ATP8B1: variants seen among roughly 807,000 people sequenced by gnomAD.
ATP8B1 encodes ATPase phospholipid transporting 8B1, also known as phospholipid-transporting ATPase IC.
Under a neutral mutation model 149.9 loss-of-function variants are expected in ATP8B1, and 80 were observed. The observed-to-expected ratio is 0.53, with a 90% CI of 0.45 to 0.64. The LOEUF is 0.64. Among genes scored for constraint, ATP8B1 ranks in the 30% least tolerant of loss-of-function variants. ATP8B1 has a pLI of 0.00. For synonymous variants in ATP8B1, 536 were observed against 562.8 expected (o/e 0.95, Z 0.67); for missense variants, 1,247 against 1,552.6 (o/e 0.80, Z 3.31).
At chr18:57,801,445 T>C (rs903551033) in intron 1 of ATP8B1, among the ~76,000 whole-genome samples, 1 of 152,214 alleles carries the variant, frequency 6.6e-6, no homozygotes, top group African/African-American at 2.4e-5. Flanking sequence ...TTGTGCACAG[T>C]CTGCGCATTT....
Position 57,653,950 on chromosome 18 carries a change from C to T in ATP8B1, c.3015+42G>A, listed in dbSNP as rs1209478630. The T allele has an allele frequency of 3.9e-6, 6 of 1,542,120 alleles. No homozygotes were observed. In the African/African-American group the frequency reaches 6.8e-5, roughly 18 times the overall value. ...TTGCTTGGGACTTCTCTAACGCATT[C>T]TCATCTGTCCAGAAGTGTCCCTGCT... is the stretch of plus-strand genomic sequence containing the variant. On this transcript the variant is annotated intron_variant, in intron 24 of 27. Transcript: ENST00000648908.
chr18:57,758,105 C>A (rs4941045), intron 1 of ATP8B1, among the ~76,000 whole-genome samples: 20,635 of 152,058 alleles, frequency 0.14, 1,787 homozygotes, highest in South Asian at 0.3. Flanking sequence ...ACGATCCTCC[C>A]ACCTCAGTCT....
intron 22 of ATP8B1, among the ~76,000 whole-genome samples, chr18:57,656,000 T>C (rs1028787242): frequency 6.6e-6 from 1 of 152,206 alleles, no homozygotes; most frequent in Non-Finnish European, 1.5e-5. Flanking sequence ...CTTCCTCTTT[T>C]GGGATTTCTG....
chr18:57,792,871 TA>T (rs1456375259), intron 1 of ATP8B1, among the ~76,000 whole-genome samples: 2 of 152,128 alleles, frequency 1.3e-5, no homozygotes, highest in African/African-American at 4.8e-5. Context: ...GGAGGGGGAC[TA>T]GGGGCTTGTG....
rs1431818106 is a variant in ATP8B1 at position 57,661,351 on chromosome 18, C to A, written c.2530G>T (p.Ala844Ser). Residue 844 changes from alanine (A) to serine (S), a missense_variant, in exon 22 of 28, where the codon GCT becomes TCT. By Grantham distance (99) the Ala-to-Ser change is moderately conservative. Coordinates refer to ENST00000648908, the MANE Select transcript of ATP8B1 (RefSeq NM_001374385.1). ...TTTTTCTGCCGCTGCTCTTTCTTAG[C>A]TTCTAGCCTCCTTTTACTTTGGGTC... ...MRTQSKRRLEAKKEQRQKNFV... is the reference protein window; with the variant it reads ...MRTQSKRRLESKKEQRQKNFV... 1 of 1,614,018 alleles carries A rather than the reference C, an allele frequency of 6.2e-7. No individual in the cohort carries two copies. Among genetic ancestry groups the A allele is most frequent in the Admixed American group, 1.7e-5 (1 of 60,002 alleles).
chr18:57,754,569 G>C (rs2080059159), intron 1 of ATP8B1, among the ~76,000 whole-genome samples: 2 of 152,096 alleles, frequency 1.3e-5, no homozygotes, highest in Admixed American at 6.5e-5. Flanking sequence ...TCAATATATG[G>C]AAAGCTCTGG....
intron 1 of ATP8B1, among the ~76,000 whole-genome samples, chr18:57,743,084 GTC>G (rs2079933364): frequency 6.6e-6 from 1 of 152,070 alleles, no homozygotes; most frequent in South Asian, 2.1e-4. Flanking sequence ...CATACAGATT[GTC>G]TCATGCAATT....
chr18:57,736,713 G>A (rs2079860653), intron 1 of ATP8B1, among the ~76,000 whole-genome samples: 1 of 150,434 alleles, frequency 6.6e-6, no homozygotes, highest in Non-Finnish European at 1.5e-5. Context: ...TCCAGGCTTG[G>A]GCTCCCAAAG....
Position 57,669,249 on chromosome 18 carries a change from A to C in ATP8B1, c.2097+69T>G, listed in dbSNP as rs1423836637. The C allele has an allele frequency of 1.2e-5, 17 of 1,457,704 alleles. 1 individual carries two copies. The East Asian group carries it at 3.2e-4, about 27-fold the overall frequency. 90.3% of individuals were successfully genotyped at this position (1,457,704 alleles called of 1,614,324 possible). ...TCTTAAGCATGAGATCAAATATTCA[A>C]TAAAACTTAATAAAAATTTCAATTC... On this transcript the variant is annotated intron_variant, in intron 18 of 27. Coordinates refer to ENST00000648908, the MANE Select transcript of ATP8B1 (RefSeq NM_001374385.1).
At chr18:57,791,722 G>A (rs185170070) in intron 1 of ATP8B1, among the ~76,000 whole-genome samples, 41 of 152,188 alleles carry the variant, frequency 2.7e-4, no homozygotes, top group Middle Eastern at 6.8e-3. Context: ...TTCATTCGTC[G>A]GTGGATGCCT....
chr18:57,708,987 C>G (rs1469044518), intron 2 of ATP8B1, among the ~76,000 whole-genome samples: 2 of 152,210 alleles, frequency 1.3e-5, no homozygotes, highest in Non-Finnish European at 2.9e-5. Context: ...TTTTACACTT[C>G]TGCCAATACT....
chr18:57,770,307 C>A (rs953554489), intron 1 of ATP8B1, among the ~76,000 whole-genome samples: 1 of 152,178 alleles, frequency 6.6e-6, no homozygotes, highest in African/African-American at 2.4e-5. Context: ...GCCCACCCAC[C>A]CCAGCTGCCA....
chr18:57,672,934 CAT>C, intron 16 of ATP8B1, among the ~76,000 whole-genome samples: 1 of 23,370 alleles, frequency 4.3e-5, no homozygotes, highest in African/African-American at 1.9e-4. Flanking sequence ...ATATATATAA[CAT>C]GTATATACAC....
intron 2 of ATP8B1, among the ~76,000 whole-genome samples, chr18:57,727,471 T>G (rs1048353918): frequency 2.0e-5 from 3 of 152,130 alleles, no homozygotes; most frequent in African/African-American, 7.2e-5. Context: ...GACCCCACAT[T>G]CTTAATTCCA....
chr18:57,766,191 C>T (rs1395093900), intron 1 of ATP8B1, among the ~76,000 whole-genome samples: 1 of 151,538 alleles, frequency 6.6e-6, no homozygotes, highest in Non-Finnish European at 1.5e-5. Flanking sequence ...TTACAGGTGC[C>T]TGCCACCACG....
In ATP8B1 at chr18:57,654,000, G is replaced by A; in HGVS notation, c.3007C>T (p.Leu1003Phe). ...TTGTGCGAGGCTCCTACCTGGTCGA[G>A]CAGCCCCATGAGGAGCACGGGCAGG... is the stretch of plus-strand genomic sequence containing the variant. ...TSLPVLLMGLLDQDVSDKLSL... is the reference protein window; with the variant it reads ...TSLPVLLMGLFDQDVSDKLSL... The change falls in exon 24 of 28, where the codon CTC becomes TTC. Residue 1003 changes from leucine to phenylalanine, a missense_variant. Around this residue, in one of 3 missense-constraint regions of ATP8B1, gnomAD observed 230 missense variants for 356.6 expected, o/e 0.65. Transcript: ENST00000648908. 6.2e-7 allele frequency: 1 copy of A among 1,613,652 alleles called. No individual in the cohort carries two copies. The highest frequency in any genetic ancestry group is 8.5e-7 in the Non-Finnish European group (1 of 1,179,652).
intron 1 of ATP8B1, among the ~76,000 whole-genome samples, chr18:57,764,950 G>C (rs867249519): frequency 1.3e-5 from 2 of 152,110 alleles, no homozygotes; most frequent in Non-Finnish European, 2.9e-5. Flanking sequence ...ATACCCAAAA[G>C]AATTGAAGGC....
intron 15 of ATP8B1, among the ~76,000 whole-genome samples, 169 bp downstream of exon 15, chr18:57,683,867 A>G (rs575077665): frequency 2.0e-5 from 3 of 152,372 alleles, no homozygotes; most frequent in South Asian, 4.1e-4. Flanking sequence ...CTTGTTTCCT[A>G]CTTTGCTCTT....
intron 26 of ATP8B1, 49 bp from the exon 27 acceptor site, chr18:57,650,546 A>G: frequency 6.3e-7 from 1 of 1,599,146 alleles, no homozygotes. Flanking sequence ...TTTCCTAAGA[A>G]CATAGTTAAT....
Sources: allele counts gnomAD v4.1 joint callset (sites outside exome capture counted in the v4.1 genomes callset), GRCh38; gene constraint gnomAD v4.1.1; regional missense constraint gnomAD v4.1.1; transcripts MANE v1.5; gene names NCBI Gene and HGNC (gene_info 2026-07-23, HGNC 2026-07-21).